The following GRIA4 variants were observed in gnomAD, a reference collection of about 807,000 sequenced individuals.
The protein encoded by GRIA4 is glutamate ionotropic receptor AMPA type subunit 4.
In GRIA4, 34 loss-of-function variants were observed where a neutral mutation model predicts 104.0. The ratio of observed to expected loss-of-function variants is 0.33; its 90% CI spans 0.25 to 0.44. GRIA4 has a LOEUF of 0.44. Ranked by LOEUF, GRIA4 falls within the 20% of genes least tolerant of loss-of-function variation. The pLI is 1.00. For synonymous variants in GRIA4, 386 were observed against 381.9 expected (o/e 1.01, Z -0.13); for missense variants, 750 against 1,096.5 (o/e 0.68, Z 4.46).
intron 3 of GRIA4, among the ~76,000 whole-genome samples, chr11:105,648,957 G>T (rs1038818569): frequency 6.6e-6 from 1 of 152,152 alleles, no homozygotes; most frequent in Non-Finnish European, 1.5e-5. Context: ...TGAGAAGTAG[G>T]ACGGAGGTTC....
chr11:105,688,604 T>C (rs753374927), intron 3 of GRIA4, among the ~76,000 whole-genome samples: 25 of 152,030 alleles, frequency 1.6e-4, no homozygotes, highest in Non-Finnish European at 2.5e-4. Flanking sequence ...TAAAGTGGTA[T>C]AGGAAATAAA....
At chr11:105,899,869 A>G (rs1470318131) in intron 7 of GRIA4, among the ~76,000 whole-genome samples, 2 of 152,058 alleles carry the variant, frequency 1.3e-5, no homozygotes, top group East Asian at 3.9e-4. Flanking sequence ...TAACATGCGC[A>G]TTTTCTCCAT....
At chr11:105,903,058 G>T (rs889429472) in intron 7 of GRIA4, among the ~76,000 whole-genome samples, 2 of 151,992 alleles carry the variant, frequency 1.3e-5, no homozygotes, top group Admixed American at 6.6e-5. Context: ...TCTCAGAGGT[G>T]GGGGGAGCTC....
At chr11:105,929,982 T>A (rs1947826271) in intron 13 of GRIA4, among the ~76,000 whole-genome samples, 1 of 152,144 alleles carries the variant, frequency 6.6e-6, no homozygotes. Context: ...TTTCAAACAA[T>A]AATGACTTCT....
chr11:105,872,596 T>C (rs1030360813), intron 5 of GRIA4, among the ~76,000 whole-genome samples: 8 of 152,124 alleles, frequency 5.3e-5, no homozygotes, highest in Non-Finnish European at 7.4e-5. Flanking sequence ...GAAACATTCA[T>C]AACAGTATGT....
chr11:105,949,669 GA>G (rs2136238566), intron 14 of GRIA4, among the ~76,000 whole-genome samples: 1 of 152,206 alleles, frequency 6.6e-6, no homozygotes, highest in East Asian at 1.9e-4. Context: ...ATTAGCAAAT[GA>G]ATAAATAAGT....
intron 3 of GRIA4, among the ~76,000 whole-genome samples, chr11:105,664,644 T>C (rs1184897624): frequency 1.3e-5 from 2 of 151,930 alleles, no homozygotes; most frequent in Non-Finnish European, 2.9e-5. Context: ...AACAACCAAT[T>C]ACAAATCTTA....
chr11:105,729,023 T>C (rs1038563751), intron 3 of GRIA4, among the ~76,000 whole-genome samples: 1 of 152,104 alleles, frequency 6.6e-6, no homozygotes, highest in Non-Finnish European at 1.5e-5. Context: ...CCTTAGGAGA[T>C]AGAGACACGA....
intron 13 of GRIA4, among the ~76,000 whole-genome samples, chr11:105,931,796 T>A (rs1363563957): frequency 6.6e-6 from 1 of 152,192 alleles, no homozygotes; most frequent in Non-Finnish European, 1.5e-5. Flanking sequence ...GGTTTATTAG[T>A]TAGGTTTCTT....
At chr11:105,665,955 G>A (rs145939957) in intron 3 of GRIA4, among the ~76,000 whole-genome samples, 1 of 152,098 alleles carries the variant, frequency 6.6e-6, no homozygotes, top group African/African-American at 2.4e-5. Flanking sequence ...GCCCAAGAAG[G>A]ATACTATTCA....
At chr11:105,695,959 C>T (rs1208329544) in intron 3 of GRIA4, among the ~76,000 whole-genome samples, 2 of 152,164 alleles carry the variant, frequency 1.3e-5, no homozygotes, top group African/African-American at 2.4e-5. Flanking sequence ...AGGTCCTCAT[C>T]CTCTCTGAAA....
At chr11:105,970,244 A>C (rs1290888070) in intron 14 of GRIA4, among the ~76,000 whole-genome samples, 1 of 152,146 alleles carries the variant, frequency 6.6e-6, no homozygotes, top group African/African-American at 2.4e-5. Flanking sequence ...ATAACATTGA[A>C]ACAAAATTTA....
chr11:105,874,641 G>A (rs553208209), intron 5 of GRIA4, among the ~76,000 whole-genome samples: 1 of 152,080 alleles, frequency 6.6e-6, no homozygotes. Flanking sequence ...CATATCCCTT[G>A]CAAGTTGGAT....
intron 3 of GRIA4, chr11:105,612,678 T>C: frequency 2.2e-6 from 1 of 456,832 alleles, no homozygotes; most frequent in Non-Finnish European, 3.8e-6. Context: ...TCTTCCTGAC[T>C]TTCTCTTTTA....
intron 5 of GRIA4, among the ~76,000 whole-genome samples, chr11:105,886,213 G>C (rs1428834946): frequency 1.3e-5 from 2 of 151,890 alleles, no homozygotes; most frequent in South Asian, 2.1e-4. Context: ...ATTGTTGTGG[G>C]TACATAGTAG....
At chr11:105,969,501 A>T (rs1395049947) in intron 14 of GRIA4, among the ~76,000 whole-genome samples, 2 of 152,178 alleles carry the variant, frequency 1.3e-5, no homozygotes, top group Non-Finnish European at 2.9e-5. Flanking sequence ...GGCCAGAGGG[A>T]AAAAGAAGGC....
chr11:105,737,671 T>TA, intron 3 of GRIA4, among the ~76,000 whole-genome samples: 2 of 152,218 alleles, frequency 1.3e-5, no homozygotes, highest in South Asian at 4.2e-4. Flanking sequence ...TAAGTATTCT[T>TA]AGAGTGCCTC....
At chr11:105,841,620 T>C (rs1223773295) in intron 4 of GRIA4, among the ~76,000 whole-genome samples, 1 of 152,176 alleles carries the variant, frequency 6.6e-6, no homozygotes, top group Non-Finnish European at 1.5e-5. Flanking sequence ...CCTTCATAAA[T>C]TATGCAGATT....
At chr11:105,958,803 TG>T (rs1177836995) in intron 14 of GRIA4, among the ~76,000 whole-genome samples, 3 of 152,164 alleles carry the variant, frequency 2.0e-5, no homozygotes, top group Non-Finnish European at 4.4e-5. Flanking sequence ...AACGCAGCCC[TG>T]GTAGTAACAA....
Sources: allele counts gnomAD v4.1 joint callset (sites outside exome capture counted in the v4.1 genomes callset), GRCh38; gene constraint gnomAD v4.1.1; transcripts MANE v1.5; gene names NCBI Gene and HGNC (gene_info 2026-07-23, HGNC 2026-07-21).